EDAR: variants seen among roughly 807,000 people sequenced by gnomAD.
EDAR encodes the protein ectodysplasin A receptor, also known as tumor necrosis factor receptor superfamily member EDAR.
EDAR carries 38 observed loss-of-function variants against 51.3 expected under a neutral mutation model. The ratio of observed to expected loss-of-function variants is 0.74; its 90% CI spans 0.57 to 0.97. The LOEUF is 0.97. EDAR is among the 50% of genes least tolerant of loss of function. EDAR has a pLI of 0.00. For synonymous variants in EDAR, 227 were observed against 242.1 expected, an observed-to-expected ratio of 0.94 and a Z score of 0.58; for missense variants, 528 against 595.0, an observed-to-expected ratio of 0.89 and a Z score of 1.17.
intron 1 of EDAR, among the ~76,000 whole-genome samples, chr2:108,936,069 C>T (rs866637484): frequency 4.6e-5 from 7 of 152,230 alleles, no homozygotes; most frequent in South Asian, 2.1e-4. Context: ...GTCACTGCCT[C>T]GGCTGGCAGA....
At position 108,920,844 on chromosome 2, in the gene EDAR, G is replaced by A. The variant is rs542055857; in HGVS notation, c.442+2524C>T. 2.1e-3 allele frequency among the ~76,000 whole-genome samples: 316 copies of A among 152,278 alleles called. 2 individuals carry two copies. The highest frequency in any genetic ancestry group is 7.0e-3 in the African/African-American group (291 of 41,552). The stretch of plus-strand genomic sequence containing the variant: ...GGGAGGATTTGGTGGGCAAAATTGC[G>A]CCTGAGCCACACAGGAGCCTGGGCA... On this transcript the variant is annotated intron_variant, in intron 5 of 11. Coordinates refer to ENST00000258443, the MANE Select transcript of EDAR (RefSeq NM_022336.4).
At chr2:108,900,806 G>A (rs1176511179) in intron 11 of EDAR, among the ~76,000 whole-genome samples, 1 of 152,096 alleles carries the variant, frequency 6.6e-6, no homozygotes, top group Non-Finnish European at 1.5e-5. Flanking sequence ...TTACCAGAAA[G>A]TGACATTTAA....
intron 9 of EDAR, among the ~76,000 whole-genome samples, chr2:108,908,339 C>T (rs1486332998): frequency 6.6e-6 from 1 of 152,202 alleles, no homozygotes; most frequent in Non-Finnish European, 1.5e-5. Context: ...ACAATGGATG[C>T]TCCGTGAAGG....
At chr2:108,941,795 G>A (rs1201452173) in intron 1 of EDAR, among the ~76,000 whole-genome samples, 1 of 152,238 alleles carries the variant, frequency 6.6e-6, no homozygotes, top group Non-Finnish European at 1.5e-5. Flanking sequence ...AACAGCCCAT[G>A]TGTGAGGCCC....
chr2:108,976,121 C>T (rs1698318316), intron 1 of EDAR, among the ~76,000 whole-genome samples: 1 of 152,172 alleles, frequency 6.6e-6, no homozygotes, highest in Non-Finnish European at 1.5e-5. Flanking sequence ...TTTCTCCTAA[C>T]GTTCTTTTTC....
chr2:108,946,955 G>A (rs1482397415), intron 1 of EDAR, among the ~76,000 whole-genome samples: 1 of 151,764 alleles, frequency 6.6e-6, no homozygotes, highest in Non-Finnish European at 1.5e-5. Context: ...AAGTCTTACT[G>A]ACTCCAGCAT....
At chr2:108,900,035 A>T (rs1696670357) in intron 11 of EDAR, among the ~76,000 whole-genome samples, 1 of 152,186 alleles carries the variant, frequency 6.6e-6, no homozygotes, top group Non-Finnish European at 1.5e-5. Flanking sequence ...TATATGTGTC[A>T]ATGCAATGTC....
chr2:108,907,825 C>G (rs1483655054), intron 10 of EDAR, 35 bp downstream of exon 10: 2 of 1,612,688 alleles, frequency 1.2e-6, no homozygotes, highest in East Asian at 2.2e-5. Context: ...GGAGCCACAT[C>G]TCACAGCTCA....
intron 1 of EDAR, among the ~76,000 whole-genome samples, chr2:108,976,471 G>C (rs570455148): frequency 6.6e-6 from 1 of 152,270 alleles, no homozygotes; most frequent in South Asian, 2.1e-4. Context: ...CCACTCTGAA[G>C]TGACTCCTTC....
chr2:108,896,131 T>G lies in EDAR; in HGVS notation c.*776A>C, dbSNP rs146782206. 19 of 152,360 alleles carry G rather than the reference T, an allele frequency of 1.2e-4. No homozygotes were observed. Among genetic ancestry groups the G allele is most frequent in the African/African-American group, 4.6e-4 (19 of 41,588 alleles). 9.4% of individuals were successfully genotyped at this position (152,360 alleles called of 1,614,324 possible). A position where few individuals can be genotyped will look rare whatever the true frequency, so the allele number is the denominator to read the frequency against. On this transcript the variant is annotated 3_prime_UTR_variant, in exon 12 of 12. Coordinates refer to ENST00000258443, the MANE Select transcript of EDAR (RefSeq NM_022336.4). ...CAAAGAGTAATGCAGTAAATGAAAT[T>G]GGCTACTGCACACATCCAATTGCTT...
intron 11 of EDAR, among the ~76,000 whole-genome samples, chr2:108,901,131 T>C (rs1294084906): frequency 2.0e-5 from 3 of 152,170 alleles, no homozygotes; most frequent in Admixed American, 2.0e-4. Flanking sequence ...ATTAAAAGAA[T>C]TGAAATTATA....
rs1175689609 is a variant in EDAR, at chr2:108,894,998, C to CT, written c.*1908dup. On this transcript the variant is annotated 3_prime_UTR_variant, in exon 12 of 12. Transcript: ENST00000258443. ...ACTCATCACAAGTGACATTTGCAGT[C>CT]TAATTAAGGGGAGACTCACTCATCA... The CT allele has an allele frequency of 6.6e-6, 1 of 150,492 alleles. No individual in the cohort carries two copies. Among genetic ancestry groups the CT allele is most frequent in the Non-Finnish European group, 1.5e-5 (1 of 67,758 alleles). 9.3% of individuals were successfully genotyped at this position (150,492 alleles called of 1,614,324 possible).
At chr2:108,921,024 C>A (rs1486372640) in intron 5 of EDAR, among the ~76,000 whole-genome samples, 2 of 152,314 alleles carry the variant, frequency 1.3e-5, no homozygotes, top group East Asian at 3.9e-4. Context: ...CTCTGGCTCA[C>A]CCAGACCTGA....
intron 1 of EDAR, among the ~76,000 whole-genome samples, chr2:108,959,826 T>C (rs1698003901): frequency 6.6e-6 from 1 of 152,076 alleles, no homozygotes; most frequent in Non-Finnish European, 1.5e-5. Context: ...TTTCCACAGG[T>C]CTCTCAAGAA....
chr2:108,934,025 C>G (rs1697421037), intron 1 of EDAR, among the ~76,000 whole-genome samples: 1 of 152,150 alleles, frequency 6.6e-6, no homozygotes, highest in Non-Finnish European at 1.5e-5. Flanking sequence ...CTAATTATAG[C>G]TGAGCCTCGG....
At chr2:108,971,370 T>C (rs1255197783) in intron 1 of EDAR, among the ~76,000 whole-genome samples, 1 of 151,974 alleles carries the variant, frequency 6.6e-6, no homozygotes, top group Non-Finnish European at 1.5e-5. Flanking sequence ...AGACCTCCAG[T>C]ATCAAAATCT....
intron 1 of EDAR, among the ~76,000 whole-genome samples, chr2:108,967,084 G>A (rs1164849211): frequency 1.3e-5 from 2 of 152,086 alleles, no homozygotes; most frequent in Non-Finnish European, 2.9e-5. Context: ...ACAGGCACCC[G>A]CTACCATGCC....
At chr2:108,913,983 G>A (rs1028999000) in intron 5 of EDAR, among the ~76,000 whole-genome samples, 3 of 150,826 alleles carry the variant, frequency 2.0e-5, no homozygotes, top group East Asian at 2.0e-4. Flanking sequence ...AAAAGGGGCC[G>A]GGCGCGGTAG....
intron 1 of EDAR, among the ~76,000 whole-genome samples, chr2:108,935,010 A>G (rs1697439592): frequency 6.6e-6 from 1 of 152,048 alleles, no homozygotes; most frequent in Non-Finnish European, 1.5e-5. Flanking sequence ...CTGTGAACAC[A>G]CTCTTTTGGA....
Sources: gnomAD v4.1 joint callset for allele counts (sites outside exome capture counted in the v4.1 genomes callset) on GRCh38, gnomAD v4.1.1 for gene constraint, MANE v1.5 for transcripts, NCBI Gene and HGNC (gene_info 2026-07-23, HGNC 2026-07-21) for gene names.